Variants in MTAP observed in about 807,000 individuals in gnomAD.
MTAP encodes S-methyl-5'-thioadenosine phosphorylase.
In MTAP, 33 loss-of-function variants were observed where a neutral mutation model predicts 33.6. The observed-to-expected ratio is 0.98, with a 90% CI of 0.74 to 1.31. MTAP has a LOEUF of 1.31. Ranked by LOEUF, MTAP falls within the 40% of genes most tolerant of loss-of-function variation. MTAP has a pLI of 0.00. For missense variants in MTAP, 367 were observed against 360.0 expected, an observed-to-expected ratio of 1.02 and a Z score of -0.16; for synonymous variants, 148 against 125.7, an observed-to-expected ratio of 1.18 and a Z score of -1.19.
intron 4 of MTAP, among the ~76,000 whole-genome samples, chr9:21,828,667 C>G (rs1824884794): frequency 6.6e-6 from 1 of 151,908 alleles, no homozygotes. Context: ...AAGAGTGAAA[C>G]TCCATCTCAA....
At chr9:21,827,236 C>G (rs1236990868) in intron 4 of MTAP, among the ~76,000 whole-genome samples, 1 of 152,126 alleles carries the variant, frequency 6.6e-6, no homozygotes, top group Non-Finnish European at 1.5e-5. Context: ...GGGGATCCTT[C>G]CACAATCCCC....
chr9:21,901,501 AT>A (rs1270265529), intron 1 of MTAP, among the ~76,000 whole-genome samples: 1 of 152,190 alleles, frequency 6.6e-6, no homozygotes, highest in African/African-American at 2.4e-5. Flanking sequence ...AAATTGCCAC[AT>A]TTTAGATTCT....
intron 1 of MTAP, among the ~76,000 whole-genome samples, chr9:21,928,613 T>C (rs185058914): frequency 3.5e-4 from 53 of 152,254 alleles, no homozygotes; most frequent in African/African-American, 1.3e-3. Context: ...ATTCATCTTT[T>C]TTTCCCCAAG....
intron 1 of MTAP, among the ~76,000 whole-genome samples, chr9:21,809,923 G>A (rs1256658313): frequency 1.3e-5 from 2 of 152,196 alleles, no homozygotes; most frequent in Non-Finnish European, 2.9e-5. Flanking sequence ...AAAAATATCT[G>A]GCCATTTCAG....
downstream of MTAP, chr9:21,931,422 C>T: frequency 2.4e-6 from 1 of 422,248 alleles, no homozygotes; most frequent in South Asian, 5.9e-5. Context: ...GGTTGTTAAA[C>T]TCTCTCTCTA....
chr9:21,852,681 A>G (rs1412160345), intron 5 of MTAP, among the ~76,000 whole-genome samples: 1 of 146,320 alleles, frequency 6.8e-6, no homozygotes, highest in South Asian at 2.2e-4. Context: ...ACAATAAACC[A>G]CTTGCTCCCC....
At chr9:21,819,461 G>A (rs1824574163) in intron 4 of MTAP, among the ~76,000 whole-genome samples, 1 of 152,186 alleles carries the variant, frequency 6.6e-6, no homozygotes. Flanking sequence ...CCCTACAAAG[G>A]ACAGGAACTA....
At chr9:21,872,631 A>G (rs1261353044) in intron 1 of MTAP, among the ~76,000 whole-genome samples, 3 of 152,228 alleles carry the variant, frequency 2.0e-5, no homozygotes, top group African/African-American at 4.8e-5. Context: ...CCTTTTGCAT[A>G]GTATCTTCCA....
intron 1 of MTAP, among the ~76,000 whole-genome samples, chr9:21,876,509 A>G (rs1168474726): frequency 6.6e-6 from 1 of 152,122 alleles, no homozygotes; most frequent in African/African-American, 2.4e-5. Context: ...GGAGTTATAC[A>G]TTTAAGTCTT....
chr9:21,916,467 GGGCATGGT>G (rs1818695235), intron 1 of MTAP, among the ~76,000 whole-genome samples: 1 of 152,000 alleles, frequency 6.6e-6, no homozygotes. Context: ...AAAATTAGCT[GGGCATGGT>G]GGCAGGCACT....
At chr9:21,913,642 G>T (rs544026290) in intron 1 of MTAP, among the ~76,000 whole-genome samples, 1 of 152,290 alleles carries the variant, frequency 6.6e-6, no homozygotes, top group East Asian at 1.9e-4. Flanking sequence ...ATGGATTAAA[G>T]ATTTAAATGT....
chr9:21,857,264 A>C (rs1056097416), intron 6 of MTAP, among the ~76,000 whole-genome samples: 1 of 152,210 alleles, frequency 6.6e-6, no homozygotes, highest in East Asian at 1.9e-4. Flanking sequence ...AATACAAGGC[A>C]AATTTCTTGG....
At chr9:21,894,784 C>T (rs1232043806) in intron 1 of MTAP, among the ~76,000 whole-genome samples, 1 of 151,656 alleles carries the variant, frequency 6.6e-6, no homozygotes, top group African/African-American at 2.4e-5. Context: ...TCCATAGTGT[C>T]TGTCCAAAGC....
At chr9:21,885,879 A>G (rs539604392) in intron 1 of MTAP, among the ~76,000 whole-genome samples, 6 of 151,618 alleles carry the variant, frequency 4.0e-5, no homozygotes, top group Admixed American at 6.6e-5. Context: ...AGCTGGTTCC[A>G]TATTTTTGCA....
At chr9:21,910,153 GT>G (rs1003736727) in intron 1 of MTAP, among the ~76,000 whole-genome samples, 8 of 152,040 alleles carry the variant, frequency 5.3e-5, no homozygotes, top group Admixed American at 6.5e-5. Flanking sequence ...AGAAGATATT[GT>G]TTGAAAGGAA....
chr9:21,892,223 T>C (rs907202816), intron 1 of MTAP: 1 of 152,164 alleles, frequency 6.6e-6, no homozygotes, highest in Admixed American at 6.6e-5. Context: ...CAAGTTTGCA[T>C]AGCCACCAGC....
chr9:21,855,532 G>A (rs1825621333), intron 6 of MTAP, among the ~76,000 whole-genome samples: 1 of 152,128 alleles, frequency 6.6e-6, no homozygotes. Flanking sequence ...AGAGTGGAAA[G>A]GAGGGAGACT....
In MTAP at chr9:21,816,695, A is replaced by G; in HGVS notation, c.121-19A>G. 2 of 1,605,698 alleles carry G rather than the reference A, an allele frequency of 1.2e-6. No individual in the cohort carries two copies. Among genetic ancestry groups the G allele is most frequent in the Non-Finnish European group, 1.7e-6 (2 of 1,176,626 alleles). On this transcript the variant is annotated intron_variant, in intron 2 of 7. Transcript: ENST00000644715. ...TTTTTAAATCACTGAGTTAAATGTCATTTTTTCATTGCATGCAGCCATCTG... is the reference window on the plus strand; with the variant it reads ...TTTTTAAATCACTGAGTTAAATGTCGTTTTTTCATTGCATGCAGCCATCTG...
Position 21,863,746 on chromosome 9 carries a change from A to G in MTAP, c.*1732A>G, listed in dbSNP as rs1397758841. The stretch of plus-strand genomic sequence containing the variant: ...TTACAGGATACTTCAGGATCAAGAT[A>G]CAGAACCTTTTATTTAAAGAGTTTG... On this transcript the variant is annotated 3_prime_UTR_variant, in exon 8 of 8. Coordinates refer to ENST00000644715, the MANE Select transcript of MTAP (RefSeq NM_002451.4). 1 of 985,776 alleles carries G rather than the reference A, an allele frequency of 1.0e-6. No individual in the cohort carries two copies. Among genetic ancestry groups the G allele is most frequent in the Non-Finnish European group, 1.2e-6 (1 of 829,944 alleles). 61.1% of individuals were successfully genotyped at this position (985,776 alleles called of 1,614,324 possible).
Sources: gnomAD v4.1 joint callset for allele counts (sites outside exome capture counted in the v4.1 genomes callset) on GRCh38, gnomAD v4.1.1 for gene constraint, MANE v1.5 for transcripts, NCBI Gene and HGNC (gene_info 2026-07-23, HGNC 2026-07-21) for gene names.